The following LMNTD1 variants were observed in gnomAD, a reference collection of about 807,000 sequenced individuals.
The protein encoded by LMNTD1 is lamin tail domain containing 1.
A neutral mutation model predicts 50.9 loss-of-function variants in LMNTD1; 35 were observed. That is an observed-to-expected ratio of 0.69 (90% confidence interval 0.53 to 0.91). LMNTD1 has a LOEUF of 0.91. Ranked by LOEUF, LMNTD1 falls within the 40% of genes least tolerant of loss-of-function variation. LMNTD1 has a pLI of 0.00. For missense variants in LMNTD1, 470 were observed against 475.5 expected, an observed-to-expected ratio of 0.99 and a Z score of 0.11; for synonymous variants, 153 against 161.9, an observed-to-expected ratio of 0.94 and a Z score of 0.42.
intron 1 of LMNTD1, among the ~76,000 whole-genome samples, chr12:25,610,811 T>G (rs1487789820): frequency 6.6e-6 from 1 of 152,166 alleles, no homozygotes; most frequent in Non-Finnish European, 1.5e-5. Context: ...TCTCATTGAT[T>G]AGATATAAGG....
intron 1 of LMNTD1, among the ~76,000 whole-genome samples, chr12:25,639,981 T>C (rs1946916994): frequency 6.6e-6 from 1 of 152,204 alleles, no homozygotes; most frequent in South Asian, 2.1e-4. Context: ...AGAAATGAAC[T>C]ACTGATACAT....
intron 4 of LMNTD1, among the ~76,000 whole-genome samples, chr12:25,537,239 C>G (rs937832248): frequency 6.6e-6 from 1 of 152,236 alleles, no homozygotes; most frequent in African/African-American, 2.4e-5. Flanking sequence ...CTCAAGGAGG[C>G]CTGCATGCCT....
rs140979138 is a variant in LMNTD1, at chr12:25,641,727, G to T, written c.58+6767C>A. On this transcript the variant is annotated intron_variant, in intron 1 of 7. Coordinates refer to the LMNTD1 transcript ENST00000445693. ...TCAAACTTTGTAGTAAATAATAAAA[G>T]AAACATTATGAAACTCTGCAGTTCC... Among the ~76,000 whole-genome samples, 992 of 152,066 alleles carry T rather than the reference G, an allele frequency of 6.5e-3. 15 individuals carry two copies. Among genetic ancestry groups the T allele is most frequent in the African/African-American group, 0.021 (857 of 41,472 alleles).
chr12:25,618,451 C>A (rs988222702), intron 1 of LMNTD1, among the ~76,000 whole-genome samples: 2 of 152,184 alleles, frequency 1.3e-5, no homozygotes, highest in East Asian at 3.9e-4. Flanking sequence ...CTTAGTGATA[C>A]TTGCAATACC....
At position 25,594,651 on chromosome 12, in the gene LMNTD1, C is replaced by CAAAAAAAAAAAAAAA. The variant is rs61299586; in HGVS notation, c.59-48112_59-48098dup. Among the ~76,000 whole-genome samples the CAAAAAAAAAAAAAAA allele has an allele frequency of 6.1e-3, 429 of 69,818 alleles. 1 individual carries two copies. Among genetic ancestry groups the CAAAAAAAAAAAAAAA allele is most frequent in the Middle Eastern group, 0.035 (3 of 86 alleles). The allele number at this position is 69,818 out of a possible 152,430, so 45.8% of individuals were successfully genotyped here. A position where few individuals can be genotyped will look rare whatever the true frequency, so the allele number is the denominator to read the frequency against. ...TCACAGGACCTATAAAACAGAAATA[C>CAAAAAAAAAAAAAAA]AAAAAAAAAAAAAAAAAAAAAAAAA... On this transcript the variant is annotated intron_variant, in intron 1 of 7. Coordinates refer to the LMNTD1 transcript ENST00000445693.
chr12:25,499,164 T>C (rs1939239697), intron 9 of LMNTD1, among the ~76,000 whole-genome samples: 1 of 152,150 alleles, frequency 6.6e-6, no homozygotes, highest in Non-Finnish European at 1.5e-5. Context: ...CTTAACCTCC[T>C]GGGCTCAAAT....
intron 1 of LMNTD1, among the ~76,000 whole-genome samples, chr12:25,616,262 T>C (rs1033248410): frequency 6.6e-6 from 1 of 152,188 alleles, no homozygotes; most frequent in African/African-American, 2.4e-5. Context: ...GATGAATCAA[T>C]AATAATAGTC....
intron 1 of LMNTD1, among the ~76,000 whole-genome samples, chr12:25,562,189 C>T (rs545473227): frequency 3.5e-4 from 54 of 152,272 alleles, no homozygotes; most frequent in Non-Finnish European, 6.6e-4. Flanking sequence ...ATGATGTTAG[C>T]TGGTTATGTT....
At chr12:25,621,176 T>C (rs1946466441) in intron 1 of LMNTD1, among the ~76,000 whole-genome samples, 1 of 152,206 alleles carries the variant, frequency 6.6e-6, no homozygotes, top group Non-Finnish European at 1.5e-5. Flanking sequence ...ACATGTTAAC[T>C]AATAACCGCA....
At chr12:25,611,886 G>A (rs1415245156) in intron 1 of LMNTD1, among the ~76,000 whole-genome samples, 6 of 152,064 alleles carry the variant, frequency 3.9e-5, no homozygotes, top group Non-Finnish European at 8.8e-5. Context: ...GATTTCCTTT[G>A]CTTGCCAGTT....
chr12:25,546,673 A>G (rs1458491266), intron 3 of LMNTD1, 119 bp from the exon 4 acceptor site: 4 of 535,712 alleles, frequency 7.5e-6, no homozygotes, highest in Non-Finnish European at 1.2e-5. Flanking sequence ...TTACATTTTA[A>G]TATCACTATC....
chr12:25,619,252 C>CTCTCTCTCTCTATA (rs1374134268), intron 1 of LMNTD1, among the ~76,000 whole-genome samples: 8 of 84,440 alleles, frequency 9.5e-5, no homozygotes, highest in East Asian at 4.2e-4. Context: ...CTCTCTCTCT[C>CTCTCTCTCTCTATA]TATATATATA....
intron 9 of LMNTD1, among the ~76,000 whole-genome samples, chr12:25,487,186 C>A (rs1367015445): frequency 7.3e-4 from 98 of 134,420 alleles, no homozygotes; most frequent in South Asian, 5.8e-4. Context: ...TCCTGGGTAT[C>A]CTTGTTGACT....
chr12:25,485,702 C>T (rs1448156069), intron 9 of LMNTD1, among the ~76,000 whole-genome samples: 1 of 65,588 alleles, frequency 1.5e-5, no homozygotes. Context: ...AGGAAGGGAT[C>T]CAGTTTCAGC....
intron 1 of LMNTD1, among the ~76,000 whole-genome samples, chr12:25,624,920 T>C (rs1003596675): frequency 6.6e-6 from 1 of 152,240 alleles, no homozygotes; most frequent in African/African-American, 2.4e-5. Context: ...GCAAACTTTT[T>C]ATTATTTTTC....
chr12:25,542,883 A>G (rs935785261), intron 4 of LMNTD1, among the ~76,000 whole-genome samples: 10 of 151,828 alleles, frequency 6.6e-5, no homozygotes, highest in Admixed American at 3.3e-4. Context: ...ATAAAACTAA[A>G]TCTCTAGTGA....
chr12:25,557,708 C>T (rs998456115), upstream of LMNTD1, among the ~76,000 whole-genome samples: 8 of 152,156 alleles, frequency 5.3e-5, no homozygotes, highest in African/African-American at 1.9e-4. Context: ...CACCTATACT[C>T]TTTTAATCTA....
At chr12:25,519,448 C>T (rs937879992) in intron 7 of LMNTD1, among the ~76,000 whole-genome samples, 2 of 151,624 alleles carry the variant, frequency 1.3e-5, no homozygotes, top group South Asian at 2.1e-4. Flanking sequence ...ATTAGCCGGG[C>T]GTGGTGGTGG....
At chr12:25,541,891 C>G (rs569200644) in intron 4 of LMNTD1, among the ~76,000 whole-genome samples, 1 of 150,548 alleles carries the variant, frequency 6.6e-6, no homozygotes, top group Non-Finnish European at 1.5e-5. Flanking sequence ...AACAAACAAC[C>G]CCATCAAAAA....
Sources: allele counts gnomAD v4.1 joint callset (sites outside exome capture counted in the v4.1 genomes callset), GRCh38; gene constraint gnomAD v4.1.1; transcripts MANE v1.5; gene names NCBI Gene and HGNC (gene_info 2026-07-23, HGNC 2026-07-21).